The following DTL variants were observed in gnomAD, a reference collection of about 807,000 sequenced individuals.
DTL encodes denticleless protein homolog.
Under a neutral mutation model 87.0 loss-of-function variants are expected in DTL, and 46 were observed. That is an observed-to-expected ratio of 0.53 (90% CI 0.42 to 0.68). DTL has a LOEUF of 0.68. Among genes scored for constraint, DTL ranks in the 30% least tolerant of loss-of-function variants. DTL has a pLI of 0.00. For synonymous variants in DTL, 308 were observed against 311.2 expected, an observed-to-expected ratio of 0.99 and a Z score of 0.11; for missense variants, 737 against 869.4, an observed-to-expected ratio of 0.85 and a Z score of 1.91.
rs1436820117 is a variant in DTL, at chr1:212,078,263, G to A, written c.1125+1G>A. 1 of 1,570,936 alleles carries A rather than the reference G, an allele frequency of 6.4e-7. No individual in the cohort carries two copies. Among genetic ancestry groups the A allele is most frequent in the Non-Finnish European group, 8.8e-7 (1 of 1,141,548 alleles). ...CTGGTGTCCATCTGACTTCACAAAG[G>A]TTTGTAAATGAATCTCTATAGTTGG... is the stretch of plus-strand genomic sequence containing the variant. On this transcript the variant is annotated splice_donor_variant, in intron 12 of 14. Transcript: ENST00000366991. LOFTEE classifies it high-confidence loss of function.
rs1193218384 is a variant in DTL at position 212,104,661 on chromosome 1, T to C, written c.*1721T>C. 6.6e-6 allele frequency: 1 copy of C among 152,150 alleles called. No individual in the cohort carries two copies. Among genetic ancestry groups the C allele is most frequent in the African/African-American group, 2.4e-5 (1 of 41,436 alleles). The allele number at this position is 152,150 out of a possible 1,614,324, so 9.4% of individuals were successfully genotyped here. A position where few individuals can be genotyped will look rare whatever the true frequency, so the allele number is the denominator to read the frequency against. On this transcript the variant is annotated 3_prime_UTR_variant, in exon 15 of 15. Transcript: ENST00000366991. ...CCTACCCATCTCCTGGCAGCCCTAC[T>C]GAGTGAAATTGGGATACATTTGGCT... is the stretch of plus-strand genomic sequence containing the variant.
chr1:212,064,857 A>C (rs948433287), intron 6 of DTL, 60 bp from the exon 7 acceptor site: 1 of 1,356,252 alleles, frequency 7.4e-7, no homozygotes, highest in African/African-American at 1.4e-5. Flanking sequence ...TTTTATTTAC[A>C]CATGTTATAT....
At chr1:212,083,606 G>A (rs1417508867) in intron 13 of DTL, among the ~76,000 whole-genome samples, 2 of 152,172 alleles carry the variant, frequency 1.3e-5, no homozygotes, top group African/African-American at 4.8e-5. Context: ...TTAGGAGAGT[G>A]AAAGGACAAG....
At chr1:212,068,121 G>T in intron 8 of DTL, 103 bp from the exon 9 acceptor site, 1 of 676,818 alleles carries the variant, frequency 1.5e-6, no homozygotes, top group Non-Finnish European at 2.5e-6. Flanking sequence ...CCTAGTTAAT[G>T]TGCCAGAGGA....
At position 212,043,058 on chromosome 1, in the gene DTL, C is replaced by T. The variant is rs1331673201; in HGVS notation, c.118C>T (p.His40Tyr). 4 of 1,613,182 alleles carry T rather than the reference C, an allele frequency of 2.5e-6. 1 individual carries two copies. ...TTATCAGTGCAGTGGTAATGATGAA[C>T]ACACTTCTTATGGAGAAACAGGAGT... The part of the protein sequence containing the change: ...TGYQCSGNDE[H>Y]TSYGETGVPV... Residue 40 changes from histidine to tyrosine, a missense_variant, in exon 2 of 15, where the codon CAC becomes TAC. Physicochemically the swap from His to Tyr is moderately conservative, Grantham distance 83 (BLOSUM62 2). Coordinates refer to ENST00000366991, the MANE Select transcript of DTL (RefSeq NM_016448.4).
At chr1:212,041,044 T>TA (rs1308050206) in intron 1 of DTL, among the ~76,000 whole-genome samples, 1 of 152,244 alleles carries the variant, frequency 6.6e-6, no homozygotes, top group Non-Finnish European at 1.5e-5. Flanking sequence ...TATGTGCATG[T>TA]AACTCCAGGG....
At chr1:212,081,636 A>G (rs1243424958) in intron 13 of DTL, among the ~76,000 whole-genome samples, 1 of 152,254 alleles carries the variant, frequency 6.6e-6, no homozygotes, top group African/African-American at 2.4e-5. Flanking sequence ...AGACCAGAGT[A>G]GTAGCAGAAG....
Position 212,072,091 on chromosome 1 carries a change from C to T in DTL, c.923-10C>T, listed in dbSNP as rs752900381. On this transcript the variant is annotated splice_polypyrimidine_tract_variant and intron_variant, in intron 10 of 14. Transcript: ENST00000366991. ...AAGAGCCAAGTAATTTGGTTTTTTT[C>T]CTCTGGCAGTGGCTATTTTCAATGG... is the stretch of plus-strand genomic sequence containing the variant. The T allele has an allele frequency of 1.9e-6, 3 of 1,608,692 alleles. No homozygotes were observed. Among genetic ancestry groups the T allele is most frequent in the Non-Finnish European group, 1.7e-6 (2 of 1,176,454 alleles).
chr1:212,040,157 AT>A (rs1382447715), intron 1 of DTL, among the ~76,000 whole-genome samples: 3 of 152,178 alleles, frequency 2.0e-5, no homozygotes, highest in Non-Finnish European at 2.9e-5. Context: ...TCATATTCTT[AT>A]TCTATAAGTT....
chr1:212,057,117 G>A (rs982074141), intron 5 of DTL, among the ~76,000 whole-genome samples: 1 of 152,048 alleles, frequency 6.6e-6, no homozygotes, highest in African/African-American at 2.4e-5. Flanking sequence ...AGTCTAGCAA[G>A]GGATTTATAT....
intron 5 of DTL, among the ~76,000 whole-genome samples, chr1:212,052,337 C>A (rs1178063354): frequency 1.3e-5 from 2 of 151,916 alleles, no homozygotes; most frequent in African/African-American, 4.8e-5. Context: ...TCTATCATTT[C>A]TTGAAATACT....
At chr1:212,078,357 G>T in intron 12 of DTL, 95 bp downstream of exon 12, 1 of 795,916 alleles carries the variant, frequency 1.3e-6, no homozygotes. Context: ...AAATTTTTAT[G>T]TTTAAGTTGA....
chr1:212,041,746 G>A (rs1443170768), intron 1 of DTL, among the ~76,000 whole-genome samples: 3 of 152,022 alleles, frequency 2.0e-5, no homozygotes, highest in Admixed American at 6.6e-5. Context: ...TCCTGACCTC[G>A]TGGTCCGCCT....
At chr1:212,060,693 C>T (rs1462933661) in intron 5 of DTL, among the ~76,000 whole-genome samples, 4 of 150,494 alleles carry the variant, frequency 2.7e-5, no homozygotes, top group Non-Finnish European at 5.9e-5. Context: ...CAAGATAGCA[C>T]CACTGCACTC....
At chr1:212,089,125 T>C (rs10863938) in intron 13 of DTL, among the ~76,000 whole-genome samples, 145,290 of 152,312 alleles carry the variant, frequency 0.95, 69,359 homozygotes, top group East Asian at 1. Context: ...TAGTAGACTC[T>C]GTATAATTCT....
chr1:212,082,746 G>A (rs577328551), intron 13 of DTL, among the ~76,000 whole-genome samples: 1 of 152,252 alleles, frequency 6.6e-6, no homozygotes, highest in South Asian at 2.1e-4. Context: ...GAGGATAAGG[G>A]AGAAAGGGAG....
intron 1 of DTL, among the ~76,000 whole-genome samples, chr1:212,041,824 A>G (rs1383261521): frequency 6.6e-6 from 1 of 152,110 alleles, no homozygotes; most frequent in Non-Finnish European, 1.5e-5. Flanking sequence ...GCATTCTTTT[A>G]GTGGTCTTTA....
chr1:212,096,610 C>T lies in DTL; in HGVS notation c.1262-3642C>T, dbSNP rs1035654629. ...CAGTTCAAAGAATTTTTTTAATTTCCAGCTTGATTTTGATTTCATTATTGA... is the reference window on the plus strand; with the variant it reads ...CAGTTCAAAGAATTTTTTTAATTTCTAGCTTGATTTTGATTTCATTATTGA... On this transcript the variant is annotated intron_variant, in intron 13 of 14. Transcript: ENST00000366991. Among the ~76,000 whole-genome samples, 121 of 152,074 alleles carry T rather than the reference C, an allele frequency of 8.0e-4. 1 individual carries two copies. The highest frequency in any genetic ancestry group is 3.4e-3 in the Middle Eastern group (1 of 294).
At chr1:212,061,452 G>A (rs1654298878) in intron 5 of DTL, among the ~76,000 whole-genome samples, 1 of 150,746 alleles carries the variant, frequency 6.6e-6, no homozygotes, top group African/African-American at 2.4e-5. Context: ...CACTGTTGGT[G>A]GAAATGTAAA....
Sources: allele counts gnomAD v4.1 joint callset (sites outside exome capture counted in the v4.1 genomes callset), GRCh38; gene constraint gnomAD v4.1.1; transcripts MANE v1.5; gene names NCBI Gene and HGNC (gene_info 2026-07-23, HGNC 2026-07-21).